The following PTPRN2 variants were observed in gnomAD, a reference collection of about 807,000 sequenced individuals.
PTPRN2 encodes the protein receptor-type tyrosine-protein phosphatase N2.
PTPRN2 carries 74 observed loss-of-function variants against 118.8 expected under a neutral mutation model. That is an observed-to-expected ratio of 0.62 (90% CI 0.52 to 0.76). The LOEUF is 0.76. Among genes scored for constraint, PTPRN2 ranks in the 30% least tolerant of loss-of-function variants. The pLI, the probability that PTPRN2 is intolerant of heterozygous loss-of-function variation, is 0.00. For synonymous variants in PTPRN2, 641 were observed against 608.0 expected (o/e 1.05, Z -0.80); for missense variants, 1,481 against 1,394.4 (o/e 1.06, Z -0.99).
chr7:157,857,467 G>A (rs55739340), intron 12 of PTPRN2: 4 of 152,358 alleles, frequency 2.6e-5, no homozygotes, highest in African/African-American at 9.6e-5. Context: ...CAGGCTCGGC[G>A]CGTGATGGAG....
chr7:158,509,690 C>T lies in PTPRN2; in HGVS notation c.113-19905G>A, dbSNP rs567711319. On this transcript the variant is annotated intron_variant, in intron 1 of 22. Coordinates refer to ENST00000389418, the MANE Select transcript of PTPRN2 (RefSeq NM_002847.5). This position sits in a 1 kb window ranked among gnomAD's most constrained non-coding sequence, Gnocchi z 4.4. ...CAACACACTAGCAGAAGAGACCACA[C>T]GTCTGTCAGCGCCCACAGGCAGGTG... 3.3e-5 allele frequency among the ~76,000 whole-genome samples: 5 copies of T among 152,340 alleles called. No homozygotes were observed. Among genetic ancestry groups the T allele is most frequent in the African/African-American group, 9.6e-5 (4 of 41,578 alleles).
chr7:158,156,836 A>G (rs1821864139), intron 6 of PTPRN2, among the ~76,000 whole-genome samples: 1 of 152,260 alleles, frequency 6.6e-6, no homozygotes, highest in African/African-American at 2.4e-5. Flanking sequence ...GAGATTTGGA[A>G]AAGTGACAGG....
chr7:157,633,557 A>G (rs945438288), intron 14 of PTPRN2, among the ~76,000 whole-genome samples: 3 of 152,244 alleles, frequency 2.0e-5, no homozygotes, highest in Admixed American at 6.5e-5. Context: ...GTCACGACGC[A>G]GAGCCTGGGT....
intron 20 of PTPRN2, among the ~76,000 whole-genome samples, chr7:157,570,497 G>T (rs1001872681): frequency 6.6e-6 from 1 of 152,242 alleles, no homozygotes; most frequent in African/African-American, 2.4e-5. Context: ...TTCCAGGCAG[G>T]AAGAACATTC....
At chr7:157,575,746 G>C (rs1191237493) in intron 19 of PTPRN2, among the ~76,000 whole-genome samples, 1 of 152,130 alleles carries the variant, frequency 6.6e-6, no homozygotes, top group African/African-American at 2.4e-5. Flanking sequence ...TATGATAGTG[G>C]GGCATGGCAT....
chr7:158,486,271 G>C (rs576196928), intron 2 of PTPRN2, among the ~76,000 whole-genome samples: 1 of 152,314 alleles, frequency 6.6e-6, no homozygotes, highest in African/African-American at 2.4e-5. Flanking sequence ...GCGTGAAAGC[G>C]ACCAGCTCAC....
intron 11 of PTPRN2, among the ~76,000 whole-genome samples, chr7:158,070,140 G>A (rs1262019468): frequency 1.3e-5 from 2 of 152,206 alleles, no homozygotes; most frequent in Non-Finnish European, 2.9e-5. Flanking sequence ...CTAATCCATG[G>A]GGCACTGCAC....
At chr7:158,422,872 CAAG>C (rs1815374838) in intron 2 of PTPRN2, among the ~76,000 whole-genome samples, 1 of 152,240 alleles carries the variant, frequency 6.6e-6, no homozygotes, top group Admixed American at 6.5e-5. Context: ...CTCAAGCTTA[CAAG>C]TAGTTGGTGT....
intron 1 of PTPRN2, chr7:158,539,450 A>T (rs1287523796): frequency 6.6e-6 from 1 of 152,342 alleles, no homozygotes; most frequent in African/African-American, 2.4e-5. Context: ...AAATCAGAAC[A>T]TCTGACCCTG....
chr7:157,663,898 T>C (rs776267044), intron 13 of PTPRN2, among the ~76,000 whole-genome samples: 1 of 152,250 alleles, frequency 6.6e-6, no homozygotes, highest in Non-Finnish European at 1.5e-5. Flanking sequence ...TAGAATGGAA[T>C]AAGAAATGTA....
rs959178592 is a variant in PTPRN2 at position 158,467,252 on chromosome 7, T to C, written c.163+22483A>G. ...TTCAGGTTCTTTGCCCTTTTTAAAA[T>C]TGGAGGGTTTGGGGGTTTTTTGGCT... On this transcript the variant is annotated intron_variant, in intron 2 of 22. Transcript: ENST00000389418. 1.0e-4 allele frequency among the ~76,000 whole-genome samples: 14 copies of C among 136,560 alleles called. No homozygotes were observed. The East Asian group carries it at 2.5e-3, about 24-fold the overall frequency. 89.6% of individuals were successfully genotyped at this position (136,560 alleles called of 152,430 possible).
chr7:157,665,219 C>T (rs1256551096), intron 13 of PTPRN2, among the ~76,000 whole-genome samples: 1 of 152,254 alleles, frequency 6.6e-6, no homozygotes, highest in East Asian at 1.9e-4. Context: ...GATCCAGACT[C>T]AGCCTAACAA....
intron 3 of PTPRN2, among the ~76,000 whole-genome samples, chr7:158,315,608 C>G (rs1802254095): frequency 6.6e-6 from 1 of 152,264 alleles, no homozygotes; most frequent in South Asian, 2.1e-4. Flanking sequence ...TCCAGCAGTG[C>G]ACCTGGCTGG....
chr7:157,898,005 C>T (rs552459898), intron 12 of PTPRN2, among the ~76,000 whole-genome samples: 16 of 152,396 alleles, frequency 1.0e-4, no homozygotes, highest in African/African-American at 3.8e-4. Flanking sequence ...GTTGTCATGT[C>T]AGGGGACAGC....
At chr7:158,262,559 CTA>C (rs562160549) in intron 3 of PTPRN2, among the ~76,000 whole-genome samples, 243 of 147,590 alleles carry the variant, frequency 1.6e-3, no homozygotes, top group Non-Finnish European at 2.8e-3. Context: ...ACTGCACACA[CTA>C]CACACACATT....
rs558170714 is a variant in PTPRN2 at position 158,055,853 on chromosome 7, C to G, written c.1723+25445G>C. ...TCTCCGTGACTTGGTGGTAGTTGTC[C>G]CCAGGGCCCAGCTCTTTTATCTTTT... On this transcript the variant is annotated intron_variant, in intron 11 of 22. Coordinates refer to ENST00000389418, the MANE Select transcript of PTPRN2 (RefSeq NM_002847.5). 2.2e-5 allele frequency among the ~76,000 whole-genome samples: 3 copies of G among 135,590 alleles called. No homozygotes were observed. The East Asian group carries it at 6.3e-4, about 28-fold the overall frequency. The allele number at this position is 135,590 out of a possible 152,430, so 89.0% of individuals were successfully genotyped here.
chr7:157,705,056 C>T (rs1798256563), intron 12 of PTPRN2, among the ~76,000 whole-genome samples: 1 of 152,218 alleles, frequency 6.6e-6, no homozygotes, highest in Non-Finnish European at 1.5e-5. Flanking sequence ...GCCTGTAATC[C>T]AGCACTTTGG....
At chr7:157,776,467 CCTT>C (rs1446274915) in intron 12 of PTPRN2, among the ~76,000 whole-genome samples, 1 of 147,342 alleles carries the variant, frequency 6.8e-6, no homozygotes, top group East Asian at 2.1e-4. Context: ...TCCTCCCTCT[CCTT>C]CTCCCTCTCC....
chr7:157,582,886 A>C (rs1325651812), intron 17 of PTPRN2, among the ~76,000 whole-genome samples: 1 of 151,252 alleles, frequency 6.6e-6, no homozygotes, highest in Non-Finnish European at 1.5e-5. Context: ...AAAAAAAAAA[A>C]CAAAACAAAA....
Sources: gnomAD v4.1 joint callset for allele counts (sites outside exome capture counted in the v4.1 genomes callset) on GRCh38, gnomAD v4.1.1 for gene constraint, Gnocchi (gnomAD v3.1) non-coding constraint, MANE v1.5 for transcripts, NCBI Gene and HGNC (gene_info 2026-07-23, HGNC 2026-07-21) for gene names.